Variants in HIBCH observed in about 807,000 individuals in gnomAD.
The protein encoded by HIBCH is 3-hydroxyisobutyryl-CoA hydrolase, mitochondrial.
In HIBCH, 50 loss-of-function variants were observed where a neutral mutation model predicts 58.2. The ratio of observed to expected loss-of-function variants is 0.86; its 90% confidence interval spans 0.68 to 1.09. The LOEUF is 1.09. HIBCH is among the 50% of genes least tolerant of loss of function. The probability of loss-of-function intolerance (pLI) is 0.00; values close to 1 mark genes in which losing one functional copy is unlikely to be tolerated. For synonymous variants in HIBCH, 151 were observed against 146.9 expected, an observed-to-expected ratio of 1.03 and a Z score of -0.20; for missense variants, 450 against 449.7, an observed-to-expected ratio of 1.00 and a Z score of -0.01.
chr2:190,292,643 C>T (rs1490495642), intron 4 of HIBCH, among the ~76,000 whole-genome samples: 1 of 152,168 alleles, frequency 6.6e-6, no homozygotes, highest in Non-Finnish European at 1.5e-5. Context: ...AGATCTGACA[C>T]CTACTTTTAT....
intron 2 of HIBCH, among the ~76,000 whole-genome samples, chr2:190,300,914 T>C (rs1052417728): frequency 6.6e-5 from 10 of 152,224 alleles, no homozygotes; most frequent in African/African-American, 2.2e-4. Flanking sequence ...TAAGGAATCC[T>C]TCTGTCATTG....
intron 11 of HIBCH, among the ~76,000 whole-genome samples, chr2:190,225,923 T>C (rs1305183619): frequency 6.6e-6 from 1 of 152,140 alleles, no homozygotes; most frequent in African/African-American, 2.4e-5. Flanking sequence ...TTATCCACCA[T>C]GATCAAGTTG....
intron 1 of HIBCH, 73 bp downstream of exon 1, chr2:190,319,643 A>AC: frequency 1.5e-6 from 2 of 1,317,348 alleles, no homozygotes; most frequent in Non-Finnish European, 2.2e-6. Flanking sequence ...AGCAGTCTCC[A>AC]CCCCCGGCCC....
At chr2:190,310,372 T>A (rs547855506) in intron 2 of HIBCH, among the ~76,000 whole-genome samples, 38 of 152,358 alleles carry the variant, frequency 2.5e-4, no homozygotes, top group Non-Finnish European at 3.7e-4. Context: ...ATATGTCCTA[T>A]AAGTTCTGTC....
At chr2:190,301,491 G>A (rs762639691) in intron 2 of HIBCH, among the ~76,000 whole-genome samples, 1 of 152,174 alleles carries the variant, frequency 6.6e-6, no homozygotes, top group Admixed American at 6.5e-5. Context: ...AGGGAGTTGG[G>A]GGAAGGAGTA....
chr2:190,250,400 G>A (rs1387923650), intron 8 of HIBCH: 1 of 469,392 alleles, frequency 2.1e-6, no homozygotes, highest in Non-Finnish European at 4.4e-6. Context: ...CCAGATGAGA[G>A]AGATGGTTAT....
At chr2:190,289,015 G>A (rs893363799) in intron 5 of HIBCH, among the ~76,000 whole-genome samples, 3 of 152,130 alleles carry the variant, frequency 2.0e-5, no homozygotes, top group Non-Finnish European at 4.4e-5. Context: ...GGTGGCTGAG[G>A]CAGGAGAATC....
chr2:190,234,296 T>C (rs572945716), intron 11 of HIBCH, among the ~76,000 whole-genome samples: 23 of 152,222 alleles, frequency 1.5e-4, no homozygotes, highest in Non-Finnish European at 2.9e-4. Context: ...GATGATTTTA[T>C]AGCACTACTT....
intron 5 of HIBCH, among the ~76,000 whole-genome samples, chr2:190,290,073 T>A (rs1687923107): frequency 6.6e-6 from 1 of 152,122 alleles, no homozygotes; most frequent in Non-Finnish European, 1.5e-5. Flanking sequence ...GAGACGGGGT[T>A]TCAGCACGTT....
At chr2:190,234,180 A>C (rs1411572010) in intron 11 of HIBCH, among the ~76,000 whole-genome samples, 5 of 152,224 alleles carry the variant, frequency 3.3e-5, no homozygotes, top group African/African-American at 9.6e-5. Context: ...ACCACCACCA[A>C]AATGCGGGTG....
chr2:190,226,595 C>CAA lies in HIBCH; in HGVS notation c.892-13522_892-13521dup, dbSNP rs752856547. ...GGGCAACAAGAGTGAAACTCCGTCT[C>CAA]AAAAAAAAAAAAAAAAAAAAAAAAA... On this transcript the variant is annotated intron_variant, in intron 11 of 13. Coordinates refer to ENST00000359678, the MANE Select transcript of HIBCH (RefSeq NM_014362.4). 4.1e-3 allele frequency among the ~76,000 whole-genome samples: 119 copies of CAA among 29,350 alleles called. 3 individuals carry two copies. The highest frequency in any genetic ancestry group is 0.016 in the Middle Eastern group (1 of 62). 19.3% of individuals were successfully genotyped at this position (29,350 alleles called of 152,430 possible). A position where few individuals can be genotyped will look rare whatever the true frequency, so the allele number is the denominator to read the frequency against.
intron 6 of HIBCH, among the ~76,000 whole-genome samples, chr2:190,265,452 GCT>G (rs938691483): frequency 7.6e-5 from 10 of 131,124 alleles, no homozygotes; most frequent in African/African-American, 1.9e-4. Context: ...CCAATCTTTT[GCT>G]CTTTTTTTTT....
intron 4 of HIBCH, among the ~76,000 whole-genome samples, chr2:190,293,710 CAT>C (rs1688017546): frequency 6.6e-6 from 1 of 151,696 alleles, no homozygotes; most frequent in Non-Finnish European, 1.5e-5. Context: ...AACAAACAAA[CAT>C]ATAAAATTAA....
chr2:190,199,782 G>C, downstream of HIBCH: 1 of 1,559,972 alleles, frequency 6.4e-7, no homozygotes. Flanking sequence ...AACATCACAT[G>C]GACAAATTTC....
intron 11 of HIBCH, among the ~76,000 whole-genome samples, chr2:190,237,802 T>C (rs1686323203): frequency 6.6e-6 from 1 of 152,090 alleles, no homozygotes; most frequent in African/African-American, 2.4e-5. Context: ...GTATTTCTCC[T>C]AATGCTCTCC....
At chr2:190,196,179 G>A (rs1221917930) in intron 1 of HIBCH, among the ~76,000 whole-genome samples, 4 of 151,650 alleles carry the variant, frequency 2.6e-5, no homozygotes, top group African/African-American at 9.7e-5. Context: ...CTTCTTCTGG[G>A]TTAAACGTAT....
In HIBCH at chr2:190,254,217, ATTAAGT is replaced by A. The variant is rs1304727188; in HGVS notation, c.518-1916_518-1911del. On this transcript the variant is annotated intron_variant, in intron 7 of 13. Coordinates refer to ENST00000359678, the MANE Select transcript of HIBCH (RefSeq NM_014362.4). The surrounding 1 kb of genome is among the most constrained non-coding windows in gnomAD (Gnocchi z 5.0). ...TGGAAGCAGGGCCTTTGAAGAGGTA[ATTAAGT>A]TTAAGTGAGGTCATAAGGGTGGGGT... Among the ~76,000 whole-genome samples the A allele has an allele frequency of 1.3e-5, 2 of 152,138 alleles. No individual in the cohort carries two copies. The highest frequency in any genetic ancestry group is 6.6e-5 in the Admixed American group (1 of 15,262).
chr2:190,254,362 C>T lies in HIBCH; in HGVS notation c.518-2055G>A, dbSNP rs1477715397. ...CAAGAAGGCAGCAGTCTATTAGCCA[C>T]AGAGAGAGGGCTCAAGAGAACCATC... On this transcript the variant is annotated intron_variant, in intron 7 of 13. Transcript: ENST00000359678. The surrounding 1 kb of genome is among the most constrained non-coding windows in gnomAD (Gnocchi z 5.0). Among the ~76,000 whole-genome samples, 2 of 152,138 alleles carry T rather than the reference C, an allele frequency of 1.3e-5. No individual in the cohort carries two copies. The highest frequency in any genetic ancestry group is 2.9e-5 in the Non-Finnish European group (2 of 68,028).
intron 1 of HIBCH, among the ~76,000 whole-genome samples, chr2:190,194,764 TCA>T: frequency 6.6e-6 from 1 of 152,102 alleles, no homozygotes; most frequent in South Asian, 2.1e-4. Context: ...TTCTAGAATG[TCA>T]TATAGTTGTA....
Sources: gnomAD v4.1 joint callset for allele counts (sites outside exome capture counted in the v4.1 genomes callset) on GRCh38, gnomAD v4.1.1 for gene constraint, Gnocchi (gnomAD v3.1) non-coding constraint, MANE v1.5 for transcripts, NCBI Gene and HGNC (gene_info 2026-07-23, HGNC 2026-07-21) for gene names.